Variants in PTPRT observed in about 807,000 individuals in gnomAD.
PTPRT encodes the protein protein tyrosine phosphatase receptor type T.
Under a neutral mutation model 176.8 loss-of-function variants are expected in PTPRT, and 56 were observed. That is an observed-to-expected ratio of 0.32 (90% CI 0.26 to 0.40). The LOEUF (loss-of-function observed/expected upper bound fraction) is 0.40. Ranked by LOEUF, PTPRT falls within the 10% of genes least tolerant of loss-of-function variation. The probability of loss-of-function intolerance (pLI) is 1.00; values close to 1 mark genes in which losing one functional copy is unlikely to be tolerated. For missense variants in PTPRT, 1,540 were observed against 1,908.2 expected, an observed-to-expected ratio of 0.81 and a Z score of 3.60; for synonymous variants, 783 against 739.0, an observed-to-expected ratio of 1.06 and a Z score of -0.96.
In PTPRT at chr20:42,846,609, C is replaced by T. The variant is rs1312679790; in HGVS notation, c.214+39198G>A. 5.9e-5 allele frequency among the ~76,000 whole-genome samples: 9 copies of T among 152,182 alleles called. No individual in the cohort carries two copies. In the East Asian group the frequency reaches 1.7e-3, roughly 29 times the overall value. ...CTACAGGCATTTGGTGAGCCTCAAA[C>T]ACCATAGGGGATAAAGTTTTAATTT... is the stretch of plus-strand genomic sequence containing the variant. On this transcript the variant is annotated intron_variant, in intron 2 of 30. Transcript: ENST00000373187.
At chr20:42,580,139 A>C (rs1168940892) in intron 7 of PTPRT, among the ~76,000 whole-genome samples, 2 of 152,204 alleles carry the variant, frequency 1.3e-5, no homozygotes, top group Non-Finnish European at 2.9e-5. Flanking sequence ...CAGTTTTCCC[A>C]GCACCATCTA....
chr20:42,651,628 G>A (rs1181585889), intron 7 of PTPRT, among the ~76,000 whole-genome samples: 1 of 152,170 alleles, frequency 6.6e-6, no homozygotes, highest in Non-Finnish European at 1.5e-5. Context: ...ATTCAAGGCA[G>A]GTTGTATTGC....
At chr20:42,198,540 G>A (rs61639141) in intron 16 of PTPRT, among the ~76,000 whole-genome samples, 6,205 of 152,314 alleles carry the variant, frequency 0.041, 398 homozygotes, top group African/African-American at 0.14. Flanking sequence ...AAGAACAGAA[G>A]CAAGTCTGTC....
At chr20:42,578,679 A>G (rs1487440656) in intron 7 of PTPRT, among the ~76,000 whole-genome samples, 3 of 151,920 alleles carry the variant, frequency 2.0e-5, no homozygotes, top group Non-Finnish European at 4.4e-5. Flanking sequence ...GAATCAAACC[A>G]TTTCAACCAG....
At chr20:42,228,158 G>A (rs973462401) in intron 15 of PTPRT, among the ~76,000 whole-genome samples, 22 of 152,166 alleles carry the variant, frequency 1.4e-4, no homozygotes, top group African/African-American at 4.6e-4. Flanking sequence ...AAGTAATTGC[G>A]GTTTTTGCCA....
At chr20:42,035,638 A>G in the PTPRT span, among the ~76,000 whole-genome samples, 3 of 152,104 alleles carry the variant, frequency 2.0e-5, no homozygotes, top group Admixed American at 2.0e-4. Context: ...TGCAGCACTG[A>G]GCACATAATT....
chr20:42,211,847 C>G (rs1430598542), intron 15 of PTPRT, among the ~76,000 whole-genome samples: 2 of 151,756 alleles, frequency 1.3e-5, no homozygotes, highest in Admixed American at 1.3e-4. Context: ...CACATGCACA[C>G]ATATGTTTAT....
chr20:42,779,705 G>A (rs1422249174), intron 4 of PTPRT, among the ~76,000 whole-genome samples: 5 of 152,188 alleles, frequency 3.3e-5, no homozygotes, highest in East Asian at 1.9e-4. Flanking sequence ...TGTACCATAA[G>A]TACTAACCAC....
chr20:42,429,584 C>A (rs936493907), intron 9 of PTPRT, among the ~76,000 whole-genome samples: 6 of 152,114 alleles, frequency 3.9e-5, no homozygotes, highest in African/African-American at 1.4e-4. Context: ...ATCTCCTGTG[C>A]CAGGGCACAG....
intron 6 of PTPRT, among the ~76,000 whole-genome samples, chr20:42,710,883 C>G (rs1281796073): frequency 1.3e-5 from 2 of 152,218 alleles, no homozygotes; most frequent in African/African-American, 4.8e-5. Flanking sequence ...ATGCCCAAGG[C>G]CTTGGGAGCC....
At chr20:42,984,600 T>G (rs1008689993) in intron 1 of PTPRT, among the ~76,000 whole-genome samples, 5 of 152,210 alleles carry the variant, frequency 3.3e-5, no homozygotes, top group African/African-American at 1.2e-4. Flanking sequence ...TGCAGCAAAT[T>G]TTCTTGAGCA....
At chr20:42,446,296 A>C (rs1024572039) in intron 9 of PTPRT, among the ~76,000 whole-genome samples, 1 of 152,170 alleles carries the variant, frequency 6.6e-6, no homozygotes, top group African/African-American at 2.4e-5. Flanking sequence ...AAATTTATTC[A>C]ATTTGAAGGA....
At chr20:42,742,646 G>C (rs1266675919) in intron 6 of PTPRT, among the ~76,000 whole-genome samples, 1 of 152,224 alleles carries the variant, frequency 6.6e-6, no homozygotes, top group Non-Finnish European at 1.5e-5. Flanking sequence ...CATCTGAATG[G>C]AGGAAGCTTG....
chr20:42,498,287 T>C (rs1176432287), intron 7 of PTPRT, among the ~76,000 whole-genome samples: 1 of 152,048 alleles, frequency 6.6e-6, no homozygotes, highest in Non-Finnish European at 1.5e-5. Flanking sequence ...GAAAATAAAC[T>C]AGTTCAGGAA....
chr20:42,908,243 A>C (rs1428689775), intron 1 of PTPRT, among the ~76,000 whole-genome samples: 3 of 152,094 alleles, frequency 2.0e-5, no homozygotes, highest in African/African-American at 7.2e-5. Context: ...CCCAGTTTCA[A>C]TTTCCTCATC....
intron 1 of PTPRT, among the ~76,000 whole-genome samples, chr20:43,120,514 G>A (rs368078365): frequency 7.2e-5 from 11 of 152,072 alleles, no homozygotes; most frequent in African/African-American, 2.2e-4. Context: ...CTCGTGATCC[G>A]CCCGCCTCGG....
chr20:42,427,374 C>A (rs910921120), intron 9 of PTPRT, among the ~76,000 whole-genome samples: 33 of 152,302 alleles, frequency 2.2e-4, no homozygotes, highest in African/African-American at 7.9e-4. Flanking sequence ...TTAGTTTGGG[C>A]TGCTATAACA....
chr20:42,445,347 G>A (rs1038384268), intron 9 of PTPRT, among the ~76,000 whole-genome samples: 1 of 152,070 alleles, frequency 6.6e-6, no homozygotes, highest in African/African-American at 2.4e-5. Flanking sequence ...ATCCTATAAG[G>A]CCATTTTATT....
intron 1 of PTPRT, among the ~76,000 whole-genome samples, chr20:43,175,387 C>A (rs2015102145): frequency 6.6e-6 from 1 of 152,248 alleles, no homozygotes; most frequent in Admixed American, 6.5e-5. Flanking sequence ...GAAAATAAAA[C>A]CTAAATTTGT....
Sources: gnomAD v4.1 joint callset for allele counts (sites outside exome capture counted in the v4.1 genomes callset) on GRCh38, gnomAD v4.1.1 for gene constraint, MANE v1.5 for transcripts, NCBI Gene and HGNC (gene_info 2026-07-23, HGNC 2026-07-21) for gene names.